The following UBE2E1 variants were observed in gnomAD, a reference collection of about 807,000 sequenced individuals.
UBE2E1 encodes ubiquitin-conjugating enzyme E2 E1.
In UBE2E1, 6 loss-of-function variants were observed where a neutral mutation model predicts 21.4. That is an observed-to-expected ratio of 0.28 (90% CI 0.15 to 0.55). The LOEUF is 0.55. Ranked by LOEUF, UBE2E1 falls within the 20% of genes least tolerant of loss-of-function variation. The probability of loss-of-function intolerance (pLI) is 0.93; values close to 1 mark genes in which losing one functional copy is unlikely to be tolerated. For missense variants in UBE2E1, 142 were observed against 236.5 expected (o/e 0.60, Z 2.62); for synonymous variants, 87 against 82.7 (o/e 1.05, Z -0.28).
chr3:23,840,530 A>C (rs1700063483), intron 3 of UBE2E1, among the ~76,000 whole-genome samples: 1 of 152,180 alleles, frequency 6.6e-6, no homozygotes. Context: ...ACAGCTATTA[A>C]GGCTAATTTT....
At chr3:23,814,059 A>G (rs1024960404) in intron 3 of UBE2E1, among the ~76,000 whole-genome samples, 1 of 152,180 alleles carries the variant, frequency 6.6e-6, no homozygotes, top group Non-Finnish European at 1.5e-5. Flanking sequence ...TTATTAAAAT[A>G]TGGCACTTGG....
intron 3 of UBE2E1, among the ~76,000 whole-genome samples, chr3:23,827,452 A>G (rs1044281177): frequency 6.6e-6 from 1 of 152,232 alleles, no homozygotes; most frequent in African/African-American, 2.4e-5. Flanking sequence ...TAATAATAAC[A>G]GCTAACTTTA....
rs944324155 is a variant in UBE2E1 at position 23,842,467 on chromosome 3, C to T, written c.203+30957C>T. 2.6e-5 allele frequency among the ~76,000 whole-genome samples: 4 copies of T among 151,946 alleles called. No individual in the cohort carries two copies. The highest frequency in any genetic ancestry group is 2.1e-4 in the South Asian group (1 of 4,818). The stretch of plus-strand genomic sequence containing the variant: ...GTGCCATGTTGCCCGGCCTGTTGTT[C>T]GTTTTTCTTTGAAGAATATACCTTT... On this transcript the variant is annotated intron_variant, in intron 3 of 5. Coordinates refer to ENST00000306627, the MANE Select transcript of UBE2E1 (RefSeq NM_003341.5). This position sits in a 1 kb window ranked among gnomAD's most constrained non-coding sequence, Gnocchi z 4.6.
In UBE2E1 at chr3:23,883,232, C is replaced by A. The variant is rs372486156; in HGVS notation, c.204-4335C>A. On this transcript the variant is annotated intron_variant, in intron 3 of 5. Coordinates refer to ENST00000306627, the MANE Select transcript of UBE2E1 (RefSeq NM_003341.5). ...AGTATTTAAAATTAAAGTTGTATTT[C>A]TTGTTGTGGAACCAAAAGTATCTTC... 1.3e-4 allele frequency among the ~76,000 whole-genome samples: 20 copies of A among 152,288 alleles called. No individual in the cohort carries two copies. The East Asian group carries it at 2.9e-3, about 22-fold the overall frequency.
intron 3 of UBE2E1, among the ~76,000 whole-genome samples, chr3:23,848,044 G>A (rs1700243786): frequency 6.6e-6 from 1 of 152,046 alleles, no homozygotes; most frequent in Non-Finnish European, 1.5e-5. Context: ...CTGTACCTTG[G>A]TTTTTTAACT....
At chr3:23,854,438 C>T in intron 3 of UBE2E1, among the ~76,000 whole-genome samples, 1 of 152,108 alleles carries the variant, frequency 6.6e-6, no homozygotes, top group Admixed American at 6.5e-5. Context: ...AAAATGAAGT[C>T]AACCCAAAAT....
Position 23,840,615 on chromosome 3 carries a change from T to C in UBE2E1, c.203+29105T>C, listed in dbSNP as rs148687716. ...TAAGTTACCAGGGTCTTTTTCTTTC[T>C]GACTAATGGCAATGCAAACTATTCT... On this transcript the variant is annotated intron_variant, in intron 3 of 5. Coordinates refer to ENST00000306627, the MANE Select transcript of UBE2E1 (RefSeq NM_003341.5). Among the ~76,000 whole-genome samples, 5 of 152,322 alleles carry C rather than the reference T, an allele frequency of 3.3e-5. No homozygotes were observed. In the East Asian group the frequency reaches 9.6e-4, roughly 29 times the overall value.
In UBE2E1 at chr3:23,823,716, A is replaced by T. The variant is rs114264672; in HGVS notation, c.203+12206A>T. Among the ~76,000 whole-genome samples the T allele has an allele frequency of 5.5e-3, 840 of 152,372 alleles. 9 individuals carry two copies. Among genetic ancestry groups the T allele is most frequent in the African/African-American group, 0.019 (791 of 41,598 alleles). ...GGAGGATTTTTTATAAACATGAAAG[A>T]TAACTTTCCTCTAACCTAAGTAAAT... On this transcript the variant is annotated intron_variant, in intron 3 of 5. Coordinates refer to ENST00000306627, the MANE Select transcript of UBE2E1 (RefSeq NM_003341.5). The surrounding 1 kb of genome is among the most constrained non-coding windows in gnomAD (Gnocchi z 4.2).
chr3:23,861,675 A>G (rs938019399), intron 3 of UBE2E1, among the ~76,000 whole-genome samples: 5 of 152,262 alleles, frequency 3.3e-5, no homozygotes, highest in Admixed American at 1.3e-4. Flanking sequence ...GTCGAGAGGA[A>G]TGCACTGGTG....
intron 3 of UBE2E1, 93 bp downstream of exon 3, chr3:23,811,603 T>C (rs1699394864): frequency 4.9e-6 from 6 of 1,234,642 alleles, no homozygotes; most frequent in Non-Finnish European, 6.9e-6. Context: ...CTTTGATTCT[T>C]TGGCTAATGC....
intron 3 of UBE2E1, among the ~76,000 whole-genome samples, chr3:23,825,021 C>T (rs1319913093): frequency 6.6e-6 from 1 of 152,164 alleles, no homozygotes; most frequent in Non-Finnish European, 1.5e-5. Flanking sequence ...TATACGAAAC[C>T]TTGTAGGATT....
At chr3:23,872,546 C>A (rs1412953296) in intron 3 of UBE2E1, among the ~76,000 whole-genome samples, 2 of 152,020 alleles carry the variant, frequency 1.3e-5, no homozygotes, top group African/African-American at 2.4e-5. Context: ...TTTCAGGACC[C>A]CATTACACTC....
chr3:23,872,226 A>G (rs1260168595), intron 3 of UBE2E1, among the ~76,000 whole-genome samples: 2 of 152,098 alleles, frequency 1.3e-5, no homozygotes, highest in East Asian at 3.9e-4. Flanking sequence ...TACGAAAACC[A>G]GTCAGGCGTG....
At chr3:23,843,664 C>G (rs1271974653) in intron 3 of UBE2E1, among the ~76,000 whole-genome samples, 2 of 152,184 alleles carry the variant, frequency 1.3e-5, no homozygotes, top group Non-Finnish European at 2.9e-5. Context: ...CCCAGAGCAT[C>G]CCACATCATT....
At chr3:23,814,103 G>A (rs1319379579) in intron 3 of UBE2E1, among the ~76,000 whole-genome samples, 2 of 152,022 alleles carry the variant, frequency 1.3e-5, no homozygotes, top group South Asian at 2.1e-4. Flanking sequence ...ACAAAAATTA[G>A]CCGGGCATGG....
intron 3 of UBE2E1, among the ~76,000 whole-genome samples, chr3:23,848,886 C>G (rs570383893): frequency 1.2e-4 from 18 of 152,312 alleles, no homozygotes; most frequent in African/African-American, 4.3e-4. Context: ...TTCATGTGGT[C>G]TTTAGTGAGT....
At chr3:23,840,545 A>T (rs1700063745) in intron 3 of UBE2E1, among the ~76,000 whole-genome samples, 1 of 152,168 alleles carries the variant, frequency 6.6e-6, no homozygotes, top group South Asian at 2.1e-4. Context: ...AATTTTTACC[A>T]TTCACTGAGG....
intron 3 of UBE2E1, among the ~76,000 whole-genome samples, chr3:23,822,719 T>C (rs1036027685): frequency 6.6e-6 from 1 of 152,224 alleles, no homozygotes; most frequent in African/African-American, 2.4e-5. Context: ...CATCGACCTT[T>C]TGTATTCTGT....
At position 23,887,833 on chromosome 3, in the gene UBE2E1, T is replaced by C. The variant is rs1454049152; in HGVS notation, c.336+134T>C. 11 of 1,210,920 alleles carry C rather than the reference T, an allele frequency of 9.1e-6. No individual in the cohort carries two copies. The highest frequency in any genetic ancestry group is 2.9e-4 in the Middle Eastern group (1 of 3,492). 75.0% of individuals were successfully genotyped at this position (1,210,920 alleles called of 1,614,324 possible). On this transcript the variant is annotated intron_variant, in intron 4 of 5. Transcript: ENST00000306627. This position sits in a 1 kb window ranked among gnomAD's most constrained non-coding sequence, Gnocchi z 4.4. ...CCTAATAGATCTGAGTATTTTAACA[T>C]ATACAAAACACTTCTTTAGGTTGAT...
Sources: allele counts gnomAD v4.1 joint callset (sites outside exome capture counted in the v4.1 genomes callset), GRCh38; gene constraint gnomAD v4.1.1; non-coding constraint Gnocchi (gnomAD v3.1); transcripts MANE v1.5; gene names NCBI Gene and HGNC (gene_info 2026-07-23, HGNC 2026-07-21).